The following CHD1L variants were observed in gnomAD, a reference collection of about 807,000 sequenced individuals.
CHD1L encodes ATP-dependent chromatin remodeler CHD1L.
Under a neutral mutation model 115.9 loss-of-function variants are expected in CHD1L, and 118 were observed. The observed-to-expected ratio is 1.02, with a 90% CI of 0.88 to 1.19. The LOEUF is 1.19. Ranked by LOEUF, CHD1L falls within the 50% of genes most tolerant of loss-of-function variation. The pLI, the probability that CHD1L is intolerant of heterozygous loss-of-function variation, is 0.00. For synonymous variants in CHD1L, 411 were observed against 387.1 expected (o/e 1.06, Z -0.72); for missense variants, 1,179 against 1,065.3 (o/e 1.11, Z -1.49).
At chr1:147,186,577 A>G in the CHD1L span, 3 of 1,036,962 alleles carry the variant, frequency 2.9e-6, no homozygotes, top group African/African-American at 5.1e-5. Context: ...ATAAAATTTG[A>G]TAAACAACAA....
intron 1 of CHD1L, among the ~76,000 whole-genome samples, chr1:147,246,979 TTTGAG>T (rs1473572581): frequency 6.6e-6 from 1 of 152,310 alleles, no homozygotes; most frequent in East Asian, 1.9e-4. Flanking sequence ...CATGATCTAC[TTTGAG>T]TTAATTTTTG....
chr1:147,204,048 T>G, the CHD1L span: 1 of 1,168,980 alleles, frequency 8.6e-7, no homozygotes, highest in Non-Finnish European at 1.3e-6. Flanking sequence ...TCTGCCACTT[T>G]GCCACCTGTT....
the CHD1L span, among the ~76,000 whole-genome samples, chr1:147,193,096 C>T: frequency 6.6e-6 from 1 of 152,160 alleles, no homozygotes; most frequent in Non-Finnish European, 1.5e-5. Context: ...ACCAGCTCCT[C>T]TTTGTACCTC....
At chr1:147,187,240 AC>A in the CHD1L span, 3 of 1,593,754 alleles carry the variant, frequency 1.9e-6, no homozygotes, top group Non-Finnish European at 2.6e-6. Context: ...TTGGCTCTCC[AC>A]ATACCTAAAG....
At chr1:147,253,286 A>G (rs1668998491) in intron 2 of CHD1L, among the ~76,000 whole-genome samples, 1 of 152,226 alleles carries the variant, frequency 6.6e-6, no homozygotes, top group Non-Finnish European at 1.5e-5. Context: ...GTTTATAGTA[A>G]TAAAAGATAA....
intron 20 of CHD1L, 37 bp from the exon 21 acceptor site, chr1:147,293,570 TC>T: frequency 6.4e-7 from 1 of 1,570,146 alleles, no homozygotes; most frequent in African/African-American, 1.3e-5. Flanking sequence ...TGTGGCTGTT[TC>T]ATGTTGGGTT....
chr1:147,268,819 G>T lies in CHD1L; in HGVS notation c.1026G>T (p.Leu342=). Residue 342 remains leucine (L), a synonymous_variant, in exon 10 of 23, where the codon CTG becomes CTT. Transcript: ENST00000369258. ...EPEPFEVGDH[L]TEASGKLHLL... ...AGCCTTTTGAAGTTGGAGACCACCTGACTGAGGCTAGTGGGAAGCTTCACC... is the reference window on the plus strand; with the variant it reads ...AGCCTTTTGAAGTTGGAGACCACCTTACTGAGGCTAGTGGGAAGCTTCACC... 1.2e-6 allele frequency: 2 copies of T among 1,613,644 alleles called. No individual in the cohort carries two copies. The highest frequency in any genetic ancestry group is 1.7e-5 in the Admixed American group (1 of 59,996).
chr1:147,191,066 C>G, the CHD1L span, among the ~76,000 whole-genome samples: 1 of 152,140 alleles, frequency 6.6e-6, no homozygotes, highest in Non-Finnish European at 1.5e-5. Flanking sequence ...GCCACATTTT[C>G]TTAATCCAGT....
intron 10 of CHD1L, among the ~76,000 whole-genome samples, chr1:147,270,376 C>T (rs1553951981): frequency 6.6e-6 from 1 of 152,150 alleles, no homozygotes; most frequent in African/African-American, 2.4e-5. Flanking sequence ...ACATCACTTA[C>T]CCCTTGCTTC....
the CHD1L span, among the ~76,000 whole-genome samples, chr1:147,201,665 C>T: frequency 6.6e-6 from 1 of 152,138 alleles, no homozygotes; most frequent in Non-Finnish European, 1.5e-5. Context: ...TAGGTTGGCA[C>T]AGATCAAGAT....
intron 2 of CHD1L, among the ~76,000 whole-genome samples, chr1:147,253,332 CTGAA>C (rs1157211056): frequency 2.8e-4 from 42 of 152,302 alleles, no homozygotes; most frequent in African/African-American, 1.0e-3. Flanking sequence ...GAAAGCTAGA[CTGAA>C]TGGTTTTAAT....
intron 5 of CHD1L, 196 bp from the exon 6 acceptor site, chr1:147,259,641 C>T (rs1671253087): frequency 1.1e-5 from 5 of 448,248 alleles, no homozygotes; most frequent in Admixed American, 3.5e-5. Flanking sequence ...AAAAAAATCC[C>T]TTGGTTTTAC....
At chr1:147,203,971 G>A in the CHD1L span, 3 of 1,220,004 alleles carry the variant, frequency 2.5e-6, no homozygotes, top group African/African-American at 4.5e-5. Flanking sequence ...AGAGTCTTCG[G>A]ACATCCCATT....
the CHD1L span, chr1:147,176,164 A>T: frequency 6.6e-6 from 1 of 152,232 alleles, no homozygotes; most frequent in African/African-American, 2.4e-5. Context: ...TATACACAAG[A>T]GACTACTCAA....
the CHD1L span, chr1:147,178,633 G>A: frequency 6.3e-7 from 1 of 1,592,126 alleles, no homozygotes; most frequent in East Asian, 2.2e-5. Flanking sequence ...GTTCCTAAAA[G>A]CAGCCAGCAA....
chr1:147,227,151 T>C, the CHD1L span, among the ~76,000 whole-genome samples: 1 of 152,238 alleles, frequency 6.6e-6, no homozygotes, highest in Middle Eastern at 3.2e-3. Context: ...TAAAGACTAA[T>C]ATCTTTCACA....
chr1:147,267,581 C>A, intron 9 of CHD1L, 63 bp downstream of exon 9: 2 of 1,216,708 alleles, frequency 1.6e-6, no homozygotes, highest in Non-Finnish European at 2.4e-6. Context: ...CAAATCATAC[C>A]AAAATTCTTC....
the CHD1L span, chr1:147,225,155 T>C: frequency 6.5e-7 from 1 of 1,545,420 alleles, no homozygotes. Flanking sequence ...ATAAATTCTG[T>C]ACAAGAGGTG....
the CHD1L span, among the ~76,000 whole-genome samples, chr1:147,207,301 G>A: frequency 6.6e-6 from 1 of 152,182 alleles, no homozygotes; most frequent in Non-Finnish European, 1.5e-5. Flanking sequence ...AGCAAATATA[G>A]CAAACTTAAC....
Sources: allele counts gnomAD v4.1 joint callset (sites outside exome capture counted in the v4.1 genomes callset), GRCh38; gene constraint gnomAD v4.1.1; transcripts MANE v1.5; gene names NCBI Gene and HGNC (gene_info 2026-07-23, HGNC 2026-07-21).